The following PNPLA8 variants were observed in gnomAD, a reference collection of about 807,000 sequenced individuals.
PNPLA8 encodes the protein calcium-independent phospholipase A2-gamma.
PNPLA8 carries 39 observed loss-of-function variants against 76.9 expected under a neutral mutation model. That is an observed-to-expected ratio of 0.51 (90% CI 0.39 to 0.66). The LOEUF is 0.66. PNPLA8 is among the 30% of genes least tolerant of loss of function. The pLI is 0.00. For missense variants in PNPLA8, 887 were observed against 918.0 expected, an observed-to-expected ratio of 0.97 and a Z score of 0.44; for synonymous variants, 301 against 307.9, an observed-to-expected ratio of 0.98 and a Z score of 0.24.
In PNPLA8 at chr7:108,496,286, C is replaced by T. The variant is rs910890465; in HGVS notation, c.1625+298G>A. Reference sequence around the variant, plus strand: ...TTGAATATTTTAGAATGACTTGAGACACATTTAATATGTTAAGTAAAAACA... The same window carrying T: ...TTGAATATTTTAGAATGACTTGAGATACATTTAATATGTTAAGTAAAAACA... On this transcript the variant is annotated intron_variant, in intron 7 of 10. Transcript: ENST00000257694. 1.3e-5 allele frequency: 3 copies of T among 224,520 alleles called. No individual in the cohort carries two copies. In the South Asian group the frequency reaches 2.7e-4, roughly 20 times the overall value. The allele number at this position is 224,520 out of a possible 1,614,324, so 13.9% of individuals were successfully genotyped here.
rs138615485 is a variant in PNPLA8, at chr7:108,512,101, T to G, written c.1206+2043A>C. On this transcript the variant is annotated intron_variant, in intron 4 of 10. Coordinates refer to ENST00000257694, the MANE Select transcript of PNPLA8 (RefSeq NM_001256007.3). ...AAAATACAGACAACAGGACAGGATC[T>G]AAGTAACCACCACACGGAGGTTCAC... Among the ~76,000 whole-genome samples, 25 of 152,280 alleles carry G rather than the reference T, an allele frequency of 1.6e-4. No homozygotes were observed. The East Asian group carries it at 4.6e-3, about 28-fold the overall frequency.
At chr7:108,506,433 T>C (rs749318509) in intron 4 of PNPLA8, among the ~76,000 whole-genome samples, 39 of 150,664 alleles carry the variant, frequency 2.6e-4, no homozygotes, top group African/African-American at 7.5e-4. Flanking sequence ...AGAGGCCTCA[T>C]AGAATTCTGG....
At chr7:108,527,193 A>G (rs1242399966), upstream of PNPLA8, among the ~76,000 whole-genome samples, 1 of 152,186 alleles carries the variant, frequency 6.6e-6, no homozygotes, top group Admixed American at 6.5e-5. Context: ...AGCCCCCTGT[A>G]AGGTTATTGT....
intron 7 of PNPLA8, among the ~76,000 whole-genome samples, chr7:108,492,999 C>T (rs1861294567): frequency 6.6e-6 from 1 of 152,106 alleles, no homozygotes; most frequent in Non-Finnish European, 1.5e-5. Flanking sequence ...TGAGAATGAC[C>T]AGGTGGAGAG....
Position 108,515,116 on chromosome 7 carries a change from A to C in PNPLA8, c.376T>G (p.Leu126Val). 4 of 1,607,314 alleles carry C rather than the reference A, an allele frequency of 2.5e-6. No individual in the cohort carries two copies. The highest frequency in any genetic ancestry group is 3.4e-6 in the Non-Finnish European group (4 of 1,177,334). Reference protein sequence around the residue: ...FGNQNEMISRLAQFKPSSQIL... With the variant: ...FGNQNEMISRVAQFKPSSQIL... ...TGGGAACTTGGCTTAAATTGAGCTA[A>C]ACGTGAAATCATTTCATTTTGATTG... Residue 126 changes from leucine to valine, a missense_variant, in exon 3 of 11, where the codon TTA becomes GTA. Coordinates refer to ENST00000257694, the MANE Select transcript of PNPLA8 (RefSeq NM_001256007.3).
At chr7:108,524,285 A>G (rs1317388200) in intron 1 of PNPLA8, among the ~76,000 whole-genome samples, 1 of 152,204 alleles carries the variant, frequency 6.6e-6, no homozygotes, top group East Asian at 1.9e-4. Flanking sequence ...CAGGATATTC[A>G]CATGCCCACT....
In PNPLA8 at chr7:108,507,084, T is replaced by C. The variant is rs1176924613; in HGVS notation, c.1207-4442A>G. ...GAGGCTGGGAGCGGTGGCTCACGCC[T>C]GTAATCCCAGCACTTTGGGCGGCCG... is the stretch of plus-strand genomic sequence containing the variant. On this transcript the variant is annotated intron_variant, in intron 4 of 10. Transcript: ENST00000257694. 1.3e-4 allele frequency among the ~76,000 whole-genome samples: 20 copies of C among 152,246 alleles called. No homozygotes were observed. In the East Asian group the frequency reaches 3.9e-3, roughly 29 times the overall value.
intron 10 of PNPLA8, among the ~76,000 whole-genome samples, chr7:108,473,118 A>C (rs1859741578): frequency 6.6e-6 from 1 of 152,198 alleles, no homozygotes; most frequent in African/African-American, 2.4e-5. Context: ...TCACTGTAAA[A>C]AGTTCCTTTA....
chr7:108,495,079 T>C (rs1243273563), intron 7 of PNPLA8, among the ~76,000 whole-genome samples: 1 of 152,166 alleles, frequency 6.6e-6, no homozygotes, highest in Non-Finnish European at 1.5e-5. Context: ...AAATATTTCA[T>C]GAAATAGAAA....
intron 4 of PNPLA8, among the ~76,000 whole-genome samples, chr7:108,506,080 T>C (rs985612300): frequency 6.6e-6 from 1 of 152,094 alleles, no homozygotes; most frequent in Non-Finnish European, 1.5e-5. Flanking sequence ...CTGCTCAAAT[T>C]AAAAAGATTT....
chr7:108,507,742 A>G (rs1046384107), intron 4 of PNPLA8, among the ~76,000 whole-genome samples: 4 of 152,226 alleles, frequency 2.6e-5, no homozygotes, highest in East Asian at 1.9e-4. Flanking sequence ...TGAGGCAGCT[A>G]TTAAAGCAAC....
intron 9 of PNPLA8, among the ~76,000 whole-genome samples, chr7:108,485,196 T>C (rs1483475400): frequency 6.6e-6 from 1 of 152,132 alleles, no homozygotes. Flanking sequence ...AAGGTGGAGA[T>C]GGAAAGAGAG....
intron 4 of PNPLA8, among the ~76,000 whole-genome samples, chr7:108,505,345 TATATATA>T (rs1441557678): frequency 1.2e-3 from 12 of 10,330 alleles, no homozygotes; most frequent in African/African-American, 5.5e-3. Context: ...TATATATATA[TATATATA>T]TTTTTTTTTT....
intron 2 of PNPLA8, among the ~76,000 whole-genome samples, chr7:108,517,433 C>T (rs766159618): frequency 6.6e-6 from 1 of 152,162 alleles, no homozygotes; most frequent in Non-Finnish European, 1.5e-5. Context: ...AGACTAAGTC[C>T]ATAATAAAAT....
chr7:108,526,935 G>A (rs1564001538), upstream of PNPLA8, among the ~76,000 whole-genome samples: 1 of 152,186 alleles, frequency 6.6e-6, no homozygotes, highest in Non-Finnish European at 1.5e-5. Flanking sequence ...ATTCATATTT[G>A]TGTCTGCTTT....
intron 7 of PNPLA8, among the ~76,000 whole-genome samples, chr7:108,491,743 T>C (rs1598898327): frequency 6.6e-6 from 1 of 152,130 alleles, no homozygotes; most frequent in African/African-American, 2.4e-5. Context: ...TGCAGGAAGG[T>C]TGCTGGAGGA....
chr7:108,514,360 T>A (rs1863143775), intron 3 of PNPLA8, 67 bp from the exon 4 acceptor site: 1 of 1,525,380 alleles, frequency 6.6e-7, no homozygotes, highest in East Asian at 2.3e-5. Context: ...TGAAAGTTTC[T>A]TAGTTCTCAT....
chr7:108,510,153 T>G, intron 4 of PNPLA8: 1 of 649,268 alleles, frequency 1.5e-6, no homozygotes, highest in South Asian at 2.1e-5. Context: ...AATGTGCACA[T>G]GTACCCTAAA....
At chr7:108,487,325 A>C (rs994423665) in intron 9 of PNPLA8, among the ~76,000 whole-genome samples, 7 of 152,314 alleles carry the variant, frequency 4.6e-5, no homozygotes, top group South Asian at 4.1e-4. Context: ...GCACTAAATA[A>C]GTGTCTGGCA....
Sources: gnomAD v4.1 joint callset for allele counts (sites outside exome capture counted in the v4.1 genomes callset) on GRCh38, gnomAD v4.1.1 for gene constraint, MANE v1.5 for transcripts, NCBI Gene and HGNC (gene_info 2026-07-23, HGNC 2026-07-21) for gene names.